The following EIF2D variants were observed in gnomAD, a reference collection of about 807,000 sequenced individuals.
EIF2D encodes the protein hepatocellular carcinoma-associated antigen 56.
A neutral mutation model predicts 77.4 loss-of-function variants in EIF2D; 56 were observed. The observed-to-expected ratio is 0.72, with a 90% confidence interval of 0.58 to 0.90. The LOEUF (loss-of-function observed/expected upper bound fraction) is 0.90, where lower values mean the gene tolerates loss of function less well. Among genes scored for constraint, EIF2D ranks in the 40% least tolerant of loss-of-function variants. EIF2D has a pLI of 0.00. For missense variants in EIF2D, 574 were observed against 706.5 expected (o/e 0.81, Z 2.13); for synonymous variants, 230 against 271.0 (o/e 0.85, Z 1.49).
Position 206,599,645 on chromosome 1 carries a change from T to C in EIF2D, c.1053-33A>G. On this transcript the variant is annotated intron_variant, in intron 9 of 14. Transcript: ENST00000271764. This position sits in a 1 kb window ranked among gnomAD's most constrained non-coding sequence, Gnocchi z 4.1. Reference sequence around the variant, plus strand: ...CCAGCAGAAGGAAAGAAAAAACACATTTTATACTAGCATCTCAGCAATCCC... The same window carrying C: ...CCAGCAGAAGGAAAGAAAAAACACACTTTATACTAGCATCTCAGCAATCCC... The C allele has an allele frequency of 1.9e-6, 3 of 1,604,718 alleles. No homozygotes were observed. Among genetic ancestry groups the C allele is most frequent in the Non-Finnish European group, 2.6e-6 (3 of 1,176,086 alleles).
At chr1:206,587,932 C>A, downstream of EIF2D, 1 of 153,106 alleles carries the variant, frequency 6.5e-6, no homozygotes, top group Non-Finnish European at 1.5e-5. Context: ...CTTGGGTTCC[C>A]CATCGGCCTC....
intron 3 of EIF2D, 63 bp downstream of exon 3, chr1:206,609,313 C>T (rs1220222693): frequency 6.8e-7 from 1 of 1,468,938 alleles, no homozygotes; most frequent in Non-Finnish European, 9.5e-7. Context: ...AAGTTTATTA[C>T]ATCAGTTGGC....
In EIF2D at chr1:206,592,424, T is replaced by C. The variant is rs1669383002; in HGVS notation, c.1685-579A>G. 6.6e-6 allele frequency among the ~76,000 whole-genome samples: 1 copy of C among 152,214 alleles called. No homozygotes were observed. Among genetic ancestry groups the C allele is most frequent in the Non-Finnish European group, 1.5e-5 (1 of 68,030 alleles). On this transcript the variant is annotated intron_variant, in intron 14 of 14. Transcript: ENST00000271764. The surrounding 1 kb of genome is among the most constrained non-coding windows in gnomAD (Gnocchi z 4.7). ...CTCAGGCCTCCCAGGACCCCTGGGCTGGGCCAGTGAGCCTCTGAGGTCAGG... is the reference window on the plus strand; with the variant it reads ...CTCAGGCCTCCCAGGACCCCTGGGCCGGGCCAGTGAGCCTCTGAGGTCAGG...
intron 14 of EIF2D, 139 bp downstream of exon 14, chr1:206,593,480 A>T: frequency 2.0e-6 from 1 of 503,648 alleles, no homozygotes; most frequent in Non-Finnish European, 3.2e-6. Flanking sequence ...AGAGAGAGAG[A>T]GAGAGAGCGA....
At position 206,599,941 on chromosome 1, in the gene EIF2D, G is replaced by A. The variant is rs546618561; in HGVS notation, c.949-105C>T. 160 of 1,097,894 alleles carry A rather than the reference G, an allele frequency of 1.5e-4. No homozygotes were observed. In the East Asian group the frequency reaches 3.6e-3, roughly 25 times the overall value. 68.0% of individuals were successfully genotyped at this position (1,097,894 alleles called of 1,614,324 possible). A position where few individuals can be genotyped will look rare whatever the true frequency, so the allele number is the denominator to read the frequency against. ...CTAGGCAGGGACTGTGCAGGGATAT[G>A]AGACAGCCCCTGCCTTCATCAACCA... On this transcript the variant is annotated intron_variant, in intron 8 of 14. Coordinates refer to ENST00000271764, the MANE Select transcript of EIF2D (RefSeq NM_006893.3). This position sits in a 1 kb window ranked among gnomAD's most constrained non-coding sequence, Gnocchi z 4.1.
At chr1:206,610,620 A>G (rs6681869) in intron 2 of EIF2D, among the ~76,000 whole-genome samples, 13,428 of 152,144 alleles carry the variant, frequency 0.088, 670 homozygotes, top group South Asian at 0.15. Context: ...GGAGATCAAG[A>G]TCATCCTGGC....
Position 206,597,176 on chromosome 1 carries a change from T to C in EIF2D, c.1312A>G (p.Ile438Val), listed in dbSNP as rs782531373. The C allele has an allele frequency of 3.1e-6, 5 of 1,613,850 alleles. No individual in the cohort carries two copies. The South Asian group carries it at 5.5e-5, about 18-fold the overall frequency. Residue 438 changes from isoleucine to valine, a missense_variant, in exon 12 of 15, where the codon ATC becomes GTC. Coordinates refer to ENST00000271764, the MANE Select transcript of EIF2D (RefSeq NM_006893.3). ...TTCTCTAAGATGCAGTCACATAGGATGGGATCCAATCTCACAAGACTAAAG... is the reference window on the plus strand; with the variant it reads ...TTCTCTAAGATGCAGTCACATAGGACGGGATCCAATCTCACAAGACTAAAG... ...DNKNLVRLDP[I>V]LCDCILEKNE...
intron 13 of EIF2D, 80 bp from the exon 14 acceptor site, chr1:206,593,873 G>A: frequency 7.7e-7 from 1 of 1,302,880 alleles, no homozygotes; most frequent in Non-Finnish European, 1.1e-6. Context: ...AGCCTCAGCA[G>A]CCTTCTGAGC....
chr1:206,578,213 G>A (rs1436598640), intron 4 of EIF2D, among the ~76,000 whole-genome samples: 1 of 127,634 alleles, frequency 7.8e-6, no homozygotes, highest in African/African-American at 2.9e-5. Flanking sequence ...GTGACAGAGG[G>A]AGACATCTCA....
In EIF2D at chr1:206,579,571, A is replaced by T. The variant is rs143741627; in HGVS notation, c.*254+1121T>A. On this transcript the variant is annotated intron_variant and NMD_transcript_variant, in intron 4 of 5. Transcript: ENST00000472709. This position sits in a 1 kb window ranked among gnomAD's most constrained non-coding sequence, Gnocchi z 4.2. The stretch of plus-strand genomic sequence containing the variant: ...CACCAAGTGTTAATTCAGCAGCTGG[A>T]TGAAGACCCTTGAGGTCTGGAATTG... 8.9e-4 allele frequency among the ~76,000 whole-genome samples: 136 copies of T among 152,302 alleles called. No individual in the cohort carries two copies. Among genetic ancestry groups the T allele is most frequent in the African/African-American group, 3.2e-3 (134 of 41,568 alleles).
intron 4 of EIF2D, among the ~76,000 whole-genome samples, chr1:206,578,232 A>AGTGTGTG (rs1553405555): frequency 7.3e-4 from 95 of 130,518 alleles, no homozygotes; most frequent in Middle Eastern, 3.7e-3. Context: ...CAAAAAAAAA[A>AGTGTGTG]AGTGTGTGTG....
rs750328100 is a variant in EIF2D at position 206,593,787 on chromosome 1, C to A, written c.1516G>T (p.Val506Leu). 1 of 1,598,594 alleles carries A rather than the reference C, an allele frequency of 6.3e-7. No individual in the cohort carries two copies. Residue 506 changes from valine (V) to leucine (L), a missense_variant, in exon 14 of 15, where the codon GTG (valine) becomes TTG (leucine). Physicochemically the swap from Val to Leu is conservative, Grantham distance 32 (BLOSUM62 1). Transcript: ENST00000271764. The part of the protein sequence containing the change: ...AQRASNKKVT[V>L]VRNLEAYGLD... Reference sequence around the variant, plus strand: ...CCATAGGCCTCCAAGTTCCGGACCACGGTCACCTGGGGGGACAGTGGGGAC... The same window carrying A: ...CCATAGGCCTCCAAGTTCCGGACCAAGGTCACCTGGGGGGACAGTGGGGAC...
intron 3 of EIF2D, 54 bp from the exon 4 acceptor site, chr1:206,608,380 G>C: frequency 7.1e-7 from 1 of 1,415,708 alleles, no homozygotes. Flanking sequence ...CTCACTCTGC[G>C]TTTTACTTCA....
chr1:206,586,657 A>G, downstream of EIF2D: 1 of 621,506 alleles, frequency 1.6e-6, no homozygotes, highest in Non-Finnish European at 2.8e-6. Flanking sequence ...CTGCTATGAC[A>G]GGCATGCAAA....
In EIF2D at chr1:206,584,795, C is replaced by T. The variant is rs782051767; in HGVS notation, c.139-3633G>A. On this transcript the variant is annotated intron_variant and NMD_transcript_variant, in intron 2 of 5. Coordinates refer to the EIF2D transcript ENST00000472709. This position sits in a 1 kb window ranked among gnomAD's most constrained non-coding sequence, Gnocchi z 4.9. ...GGGAGCTGTGGGCTTCTCCTGAGCA[C>T]CAGGGGTCCAGCTGCCCATGTGGTG... 1 of 1,140,556 alleles carries T rather than the reference C, an allele frequency of 8.8e-7. No individual in the cohort carries two copies. The highest frequency in any genetic ancestry group is 1.3e-6 in the Non-Finnish European group (1 of 792,806). The allele number at this position is 1,140,556 out of a possible 1,614,324, so 70.7% of individuals were successfully genotyped here.
intron 5 of EIF2D, 129 bp from the exon 6 acceptor site, chr1:206,603,333 G>C: frequency 1.6e-6 from 2 of 1,270,116 alleles, no homozygotes; most frequent in Non-Finnish European, 2.1e-6. Flanking sequence ...GGAGGGGGCA[G>C]AGAGCCTGTG....
chr1:206,601,545 T>TG (rs1669919185), intron 7 of EIF2D: 1 of 152,228 alleles, frequency 6.6e-6, no homozygotes, highest in Non-Finnish European at 1.5e-5. Context: ...TACTCCAGCC[T>TG]GGGTGACAGA....
In EIF2D at chr1:206,584,580, C is replaced by G. The variant is rs1553407144; in HGVS notation, c.139-3418G>C. The G allele has an allele frequency of 1.1e-5, 18 of 1,614,098 alleles. No homozygotes were observed. The highest frequency in any genetic ancestry group is 4.5e-5 in the East Asian group (2 of 44,892). ...ATCAAGCAGCTGCACATCAGCAGCA[C>G]CACCACCGTCAGTGAGGTCATCCAG... is the stretch of plus-strand genomic sequence containing the variant. On this transcript the variant is annotated intron_variant and NMD_transcript_variant, in intron 2 of 5. Transcript: ENST00000472709. The surrounding 1 kb of genome is among the most constrained non-coding windows in gnomAD (Gnocchi z 4.9).
intron 4 of EIF2D, among the ~76,000 whole-genome samples, chr1:206,607,652 T>C (rs994198790): frequency 6.6e-6 from 1 of 151,480 alleles, no homozygotes; most frequent in Non-Finnish European, 1.5e-5. Flanking sequence ...GATAATGATA[T>C]GCATATAGGG....
Sources: allele counts gnomAD v4.1 joint callset (sites outside exome capture counted in the v4.1 genomes callset), GRCh38; gene constraint gnomAD v4.1.1; non-coding constraint Gnocchi (gnomAD v3.1); transcripts MANE v1.5; gene names NCBI Gene and HGNC (gene_info 2026-07-23, HGNC 2026-07-21).